Variants in NPAS1 observed in about 807,000 individuals in gnomAD.
NPAS1 encodes neuronal PAS domain-containing protein 1.
Under a neutral mutation model 49.2 loss-of-function variants are expected in NPAS1, and 29 were observed. The observed-to-expected ratio is 0.59, with a 90% CI of 0.44 to 0.80. The LOEUF (loss-of-function observed/expected upper bound fraction) is 0.80, where lower values mean the gene tolerates loss of function less well. Among genes scored for constraint, NPAS1 ranks in the 30% least tolerant of loss-of-function variants. The pLI, the probability that NPAS1 is intolerant of heterozygous loss-of-function variation, is 0.00. For synonymous variants in NPAS1, 408 were observed against 380.4 expected (o/e 1.07, Z -0.84); for missense variants, 825 against 835.5 (o/e 0.99, Z 0.15).
At chr19:47,022,531 G>A (rs1049541314) in intron 3 of NPAS1, among the ~76,000 whole-genome samples, 2 of 151,982 alleles carry the variant, frequency 1.3e-5, no homozygotes. Context: ...CTAGCTCAGA[G>A]CAAGCCACCG....
At chr19:47,032,607 C>A in intron 4 of NPAS1, 36 bp from the exon 5 acceptor site, 1 of 1,572,894 alleles carries the variant, frequency 6.4e-7, no homozygotes, top group Non-Finnish European at 8.8e-7. Context: ...GACACCGGGT[C>A]CTCTCCTTCC....
intron 5 of NPAS1, among the ~76,000 whole-genome samples, chr19:47,034,543 G>A (rs2056933052): frequency 6.6e-6 from 1 of 152,086 alleles, no homozygotes; most frequent in Non-Finnish European, 1.5e-5. Context: ...ACACCAAAAG[G>A]AGGGGAATTT....
At chr19:47,036,973 G>T (rs553766772) in intron 6 of NPAS1, among the ~76,000 whole-genome samples, 2 of 151,208 alleles carry the variant, frequency 1.3e-5, no homozygotes, top group South Asian at 4.2e-4. Context: ...TGGGAGGATG[G>T]CTTGAGCCTT....
At position 47,039,333 on chromosome 19, in the gene NPAS1, C is replaced by T. The variant is rs963268006; in HGVS notation, c.805-74C>T. 33 of 1,586,626 alleles carry T rather than the reference C, an allele frequency of 2.1e-5. No homozygotes were observed. In the African/African-American group the frequency reaches 4.2e-4, roughly 20 times the overall value. On this transcript the variant is annotated intron_variant, in intron 7 of 11. Transcript: ENST00000602212. Reference sequence around the variant, plus strand: ...CAGCACCTGTGGGGGACAGAGGGAACCCAGCCCAGTGATGGTCCTCTTGCC... The same window carrying T: ...CAGCACCTGTGGGGGACAGAGGGAATCCAGCCCAGTGATGGTCCTCTTGCC...
intron 5 of NPAS1, 78 bp downstream of exon 5, chr19:47,032,810 C>A: frequency 9.6e-7 from 1 of 1,045,774 alleles, no homozygotes; most frequent in Non-Finnish European, 1.5e-6. Context: ...TTCCTCTCTC[C>A]TGGTCTCACC....
At position 47,019,904 on chromosome 19, in the gene NPAS1, G is replaced by C. The variant is rs1354278599; in HGVS notation, c.-136G>C. 2.6e-6 allele frequency: 1 copy of C among 377,600 alleles called. No individual in the cohort carries two copies. Among genetic ancestry groups the C allele is most frequent in the Non-Finnish European group, 4.7e-6 (1 of 212,456 alleles). 23.4% of individuals were successfully genotyped at this position (377,600 alleles called of 1,614,324 possible). A position where few individuals can be genotyped will look rare whatever the true frequency, so the allele number is the denominator to read the frequency against. On this transcript the variant is annotated 5_prime_UTR_variant, in exon 1 of 12. Transcript: ENST00000602212. ...CCCGCTGCGCCCCGCGCGCCCCGGG[G>C]TCTATGGAGCTGCCCCTCCGCGCCG...
rs780923380 is a variant in NPAS1, at chr19:47,045,399, G to C, written c.1521G>C (p.Pro507=). Residue 507 remains proline (P), a synonymous_variant, in exon 12 of 12, where the codon CCG becomes CCC. Transcript: ENST00000602212. ...GGGCAGGGGTCCTGAAGCAGGATCCGGTGCGGCCATGGGGCCTGGCGCCTC... is the reference window on the plus strand; with the variant it reads ...GGGCAGGGGTCCTGAAGCAGGATCCCGTGCGGCCATGGGGCCTGGCGCCTC... ...VIRAGVLKQD[P]VRPWGLAPPG... is the part of the protein sequence containing the mutation. 4 of 1,612,106 alleles carry C rather than the reference G, an allele frequency of 2.5e-6. No homozygotes were observed. Among genetic ancestry groups the C allele is most frequent in the Non-Finnish European group, 3.4e-6 (4 of 1,179,388 alleles).
chr19:47,040,938 C>T (rs79869094), intron 9 of NPAS1, 40 bp from the exon 10 acceptor site: 3 of 1,428,868 alleles, frequency 2.1e-6, no homozygotes, highest in Admixed American at 2.9e-5. Flanking sequence ...CCCCTGTCCC[C>T]ACCCCACCCC....
Position 47,042,862 on chromosome 19 carries a change from G to C in NPAS1, c.1270G>C (p.Val424Leu), listed in dbSNP as rs151177532. ...PLDAFQLPAS[V>L]ACEEASSPGP... ...GGATGCCTTCCAGCTTCCAGCCAGC[G>C]TGGCCTGTGAGGAGGCATCCAGCCC... is the stretch of plus-strand genomic sequence containing the variant. The change falls in exon 11 of 12, where the codon GTG (valine) becomes CTG (leucine). Residue 424 changes from valine to leucine, a missense_variant. Val to Leu is a conservative substitution (Grantham distance 32). Transcript: ENST00000602212. The C allele has an allele frequency of 6.2e-7, 1 of 1,606,134 alleles. No individual in the cohort carries two copies. The highest frequency in any genetic ancestry group is 8.5e-7 in the Non-Finnish European group (1 of 1,176,582).
intron 4 of NPAS1, 91 bp from the exon 5 acceptor site, chr19:47,032,552 G>A (rs1478801888): frequency 7.9e-6 from 10 of 1,262,464 alleles, no homozygotes; most frequent in Non-Finnish European, 1.0e-5. Flanking sequence ...CTCAGGTGGA[G>A]ACCCAGGTTT....
chr19:47,027,169 G>C (rs548894730), intron 3 of NPAS1, among the ~76,000 whole-genome samples: 130 of 152,314 alleles, frequency 8.5e-4, no homozygotes, highest in African/African-American at 3.1e-3. Context: ...GGGCATGTGA[G>C]GGACCCCTCT....
chr19:47,045,671 C>A lies in NPAS1; in HGVS notation c.*20C>A. On this transcript the variant is annotated 3_prime_UTR_variant, in exon 12 of 12. Transcript: ENST00000602212. ...GACTGAGGACTGGCAGAGCTGCCGG[C>A]GCCGGACCCTGCGACAACCGGGGTC... 1 of 1,401,316 alleles carries A rather than the reference C, an allele frequency of 7.1e-7. No homozygotes were observed. The highest frequency in any genetic ancestry group is 9.2e-7 in the Non-Finnish European group (1 of 1,085,532). 86.8% of individuals were successfully genotyped at this position (1,401,316 alleles called of 1,614,324 possible). A position where few individuals can be genotyped will look rare whatever the true frequency, so the allele number is the denominator to read the frequency against.
At chr19:47,036,333 AC>A (rs2056955393) in intron 6 of NPAS1, among the ~76,000 whole-genome samples, 1 of 152,246 alleles carries the variant, frequency 6.6e-6, no homozygotes, top group Non-Finnish European at 1.5e-5. Context: ...GATTCGAGCT[AC>A]AGAAAGACCC....
chr19:47,040,297 A>T, intron 8 of NPAS1, 147 bp from the exon 9 acceptor site: 1 of 599,740 alleles, frequency 1.7e-6, no homozygotes, highest in Non-Finnish European at 3.1e-6. Flanking sequence ...TGCTGGGATT[A>T]CAGGTGTGAG....
chr19:47,041,030 C>G lies in NPAS1; in HGVS notation c.1122C>G (p.Ala374=). Residue 374 remains alanine (A), a synonymous_variant, in exon 10 of 12, where the codon GCC becomes GCG. Transcript: ENST00000602212. Reference sequence around the variant, plus strand: ...GTTACTACCGTTGGCTGCAGCGTGCCGGGGGCTTCGTGTGGCTGCAGTCTG... The same window carrying G: ...GTTACTACCGTTGGCTGCAGCGTGCGGGGGGCTTCGTGTGGCTGCAGTCTG... ...MTGYYRWLQR[A]GGFVWLQSVA... 1 of 1,569,310 alleles carries G rather than the reference C, an allele frequency of 6.4e-7. No individual in the cohort carries two copies. The highest frequency in any genetic ancestry group is 8.6e-7 in the Non-Finnish European group (1 of 1,160,260).
chr19:47,032,378 C>T (rs745849809), intron 4 of NPAS1, 27 bp downstream of exon 4: 4 of 1,610,932 alleles, frequency 2.5e-6, no homozygotes, highest in South Asian at 1.1e-5. Flanking sequence ...CCCTGCCTGC[C>T]GCTCCTTGCT....
At position 47,039,059 on chromosome 19, in the gene NPAS1, CCCT is replaced by C; in HGVS notation, c.718_720del (p.Ser240del). The C allele has an allele frequency of 1.2e-6, 2 of 1,614,188 alleles. No homozygotes were observed. Among genetic ancestry groups the C allele is most frequent in the Non-Finnish European group, 1.7e-6 (2 of 1,180,022 alleles). ...AGAGGCCAGCCTCACCAAGGTGCCC[CCCT>C]CCTCCCTGGTCCAGGAGCGCTCCTT... On this transcript the variant is annotated inframe_deletion, in exon 7 of 12. Coordinates refer to ENST00000602212, the MANE Select transcript of NPAS1 (RefSeq NM_002517.4).
chr19:47,038,278 G>A (rs572251852), intron 6 of NPAS1, among the ~76,000 whole-genome samples: 231 of 152,328 alleles, frequency 1.5e-3, no homozygotes, highest in African/African-American at 5.5e-3. Flanking sequence ...CAGCACTTTG[G>A]GAGGCCGAGG....
At chr19:47,020,443 G>A (rs1043772980) in intron 1 of NPAS1, among the ~76,000 whole-genome samples, 25 of 151,824 alleles carry the variant, frequency 1.6e-4, no homozygotes, top group African/African-American at 5.1e-4. Context: ...GTGGCGGTCC[G>A]AACACGTGGC....
Sources: gnomAD v4.1 joint callset for allele counts (sites outside exome capture counted in the v4.1 genomes callset) on GRCh38, gnomAD v4.1.1 for gene constraint, MANE v1.5 for transcripts, NCBI Gene and HGNC (gene_info 2026-07-23, HGNC 2026-07-21) for gene names.